Variants in SH3PXD2A observed in about 807,000 individuals in gnomAD.
The protein encoded by SH3PXD2A is SH3 and PX domain-containing protein 2A.
SH3PXD2A carries 32 observed loss-of-function variants against 115.2 expected under a neutral mutation model. The ratio of observed to expected loss-of-function variants is 0.28; its 90% CI spans 0.21 to 0.37. The LOEUF is 0.37. SH3PXD2A is among the 10% of genes least tolerant of loss of function. The pLI is 1.00. For synonymous variants in SH3PXD2A, 610 were observed against 629.1 expected (o/e 0.97, Z 0.45); for missense variants, 1,328 against 1,498.7 (o/e 0.89, Z 1.88).
intron 6 of SH3PXD2A, among the ~76,000 whole-genome samples, chr10:103,679,523 G>A (rs531508493): frequency 2.0e-5 from 3 of 152,166 alleles, no homozygotes; most frequent in African/African-American, 7.2e-5. Flanking sequence ...CAGAAGGAGC[G>A]AGCCAAGTCA....
chr10:103,596,922 G>T lies in SH3PXD2A; in HGVS notation c.*4894C>A, dbSNP rs888173570. The T allele has an allele frequency of 6.6e-5, 10 of 152,558 alleles. No homozygotes were observed. Among genetic ancestry groups the T allele is most frequent in the African/African-American group, 2.4e-4 (10 of 41,424 alleles). 9.5% of individuals were successfully genotyped at this position (152,558 alleles called of 1,614,324 possible). A position where few individuals can be genotyped will look rare whatever the true frequency, so the allele number is the denominator to read the frequency against. On this transcript the variant is annotated 3_prime_UTR_variant, in exon 15 of 15. Transcript: ENST00000369774. ...CAAGCATACAGTACTGGAGGTGGAG[G>T]GAACAAGCCACAGGGACGTCCCTGT...
At chr10:103,766,333 A>C (rs1194694567) in intron 3 of SH3PXD2A, among the ~76,000 whole-genome samples, 1 of 152,170 alleles carries the variant, frequency 6.6e-6, no homozygotes, top group African/African-American at 2.4e-5. Flanking sequence ...GGTTCTGGAG[A>C]GCCAAGAGAC....
At chr10:103,615,815 G>T (rs942999437) in intron 11 of SH3PXD2A, among the ~76,000 whole-genome samples, 3 of 152,092 alleles carry the variant, frequency 2.0e-5, no homozygotes, top group African/African-American at 7.2e-5. Flanking sequence ...TAGGCCACCA[G>T]CCTGCCAGAA....
chr10:103,661,140 G>A lies in SH3PXD2A; in HGVS notation c.473-26C>T, dbSNP rs775767232. On this transcript the variant is annotated intron_variant, in intron 7 of 14. Transcript: ENST00000369774. Reference sequence around the variant, plus strand: ...CTGGCGAGGGCAGAAAGCACGCGGTGAGCCAGCGGCCAGCCATGGCCCCGC... The same window carrying A: ...CTGGCGAGGGCAGAAAGCACGCGGTAAGCCAGCGGCCAGCCATGGCCCCGC... 5.6e-6 allele frequency: 9 copies of A among 1,608,488 alleles called. No individual in the cohort carries two copies. The African/African-American group carries it at 1.2e-4, about 22-fold the overall frequency.
At chr10:103,736,837 G>GC in intron 3 of SH3PXD2A, 1 of 1,236,070 alleles carries the variant, frequency 8.1e-7, no homozygotes, top group Non-Finnish European at 1.1e-6. Context: ...CCTGGAGAAG[G>GC]CATCTTCCAC....
At chr10:103,610,571 A>G (rs1412372575) in intron 13 of SH3PXD2A, among the ~76,000 whole-genome samples, 1 of 152,190 alleles carries the variant, frequency 6.6e-6, no homozygotes, top group Non-Finnish European at 1.5e-5. Flanking sequence ...CTACTCTTCC[A>G]TAGACTGGTG....
At chr10:103,771,769 A>G (rs7917271) in intron 2 of SH3PXD2A, among the ~76,000 whole-genome samples, 1 of 151,306 alleles carries the variant, frequency 6.6e-6, no homozygotes, top group Non-Finnish European at 1.5e-5. Context: ...ACACACACAC[A>G]CACACACACA....
chr10:103,617,584 G>A (rs769859135), intron 10 of SH3PXD2A, among the ~76,000 whole-genome samples: 12 of 152,192 alleles, frequency 7.9e-5, no homozygotes, highest in African/African-American at 1.4e-4. Context: ...GCAGGGAGTC[G>A]GCTCTCCCAG....
At chr10:103,854,043 C>A (rs1262619660) in intron 1 of SH3PXD2A, among the ~76,000 whole-genome samples, 3 of 152,172 alleles carry the variant, frequency 2.0e-5, no homozygotes, top group African/African-American at 7.2e-5. Context: ...CCCATATGAG[C>A]CCAGCCGCAT....
chr10:103,828,570 G>C (rs1244649779), intron 1 of SH3PXD2A, among the ~76,000 whole-genome samples: 1 of 152,166 alleles, frequency 6.6e-6, no homozygotes, highest in East Asian at 1.9e-4. Context: ...GTGGAAAGTG[G>C]GTGGGAGAAG....
At position 103,682,200 on chromosome 10, in the gene SH3PXD2A, C is replaced by T. The variant is rs900323667; in HGVS notation, c.427+10828G>A. Among the ~76,000 whole-genome samples the T allele has an allele frequency of 1.1e-4, 16 of 152,236 alleles. 1 individual carries two copies. The highest frequency in any genetic ancestry group is 3.6e-4 in the African/African-American group (15 of 41,462). Reference sequence around the variant, plus strand: ...TCCAGGATCCGGGGAGCGCTTGCCACGCCCCTGCCCCCTCCCCGCTCCGCC... The same window carrying T: ...TCCAGGATCCGGGGAGCGCTTGCCATGCCCCTGCCCCCTCCCCGCTCCGCC... On this transcript the variant is annotated intron_variant, in intron 6 of 14. Coordinates refer to ENST00000369774, the MANE Select transcript of SH3PXD2A (RefSeq NM_001394015.1).
chr10:103,632,556 C>T (rs1480718383), intron 8 of SH3PXD2A, among the ~76,000 whole-genome samples: 1 of 152,116 alleles, frequency 6.6e-6, no homozygotes, highest in East Asian at 1.9e-4. Context: ...TCGGGGTGGG[C>T]GCCTCTGCTC....
chr10:103,677,277 A>G (rs1458382481), intron 6 of SH3PXD2A, among the ~76,000 whole-genome samples: 1 of 152,218 alleles, frequency 6.6e-6, no homozygotes, highest in East Asian at 1.9e-4. Context: ...GTCTCAAAGC[A>G]TCAGACACAC....
rs924230858 is a variant in SH3PXD2A at position 103,784,962 on chromosome 10, C to G, written c.153+16320G>C. 2.0e-5 allele frequency among the ~76,000 whole-genome samples: 3 copies of G among 152,194 alleles called. No homozygotes were observed. The highest frequency in any genetic ancestry group is 7.2e-5 in the African/African-American group (3 of 41,446). ...GTCTGCAGGTCAGCTCGGGTTGCAT[C>G]TGTCTCCAGCCCCTCAGCCCCACTC... On this transcript the variant is annotated intron_variant, in intron 2 of 14. Coordinates refer to ENST00000369774, the MANE Select transcript of SH3PXD2A (RefSeq NM_001394015.1). The surrounding 1 kb of genome is among the most constrained non-coding windows in gnomAD (Gnocchi z 4.4).
At chr10:103,773,876 TTACA>T (rs2038854560) in intron 2 of SH3PXD2A, among the ~76,000 whole-genome samples, 1 of 152,154 alleles carries the variant, frequency 6.6e-6, no homozygotes, top group African/African-American at 2.4e-5. Context: ...GTAGCTGGGA[TTACA>T]GGTGTGCACC....
In SH3PXD2A at chr10:103,822,365, T is replaced by C. The variant is rs558277153; in HGVS notation, c.73-21003A>G. On this transcript the variant is annotated intron_variant, in intron 1 of 14. Coordinates refer to ENST00000369774, the MANE Select transcript of SH3PXD2A (RefSeq NM_001394015.1). ...AAAGACAGGGTGCTTCCTATGCAGA[T>C]GTAACCCCTAGCTGTCCAAGTTCCC... is the stretch of plus-strand genomic sequence containing the variant. 1.1e-4 allele frequency among the ~76,000 whole-genome samples: 17 copies of C among 152,386 alleles called. No individual in the cohort carries two copies. The South Asian group carries it at 3.3e-3, about 30-fold the overall frequency.
rs2036720272 is a variant in SH3PXD2A at position 103,627,777 on chromosome 10, T to C, written c.605-575A>G. Among the ~76,000 whole-genome samples, 1 of 152,246 alleles carries C rather than the reference T, an allele frequency of 6.6e-6. No homozygotes were observed. The highest frequency in any genetic ancestry group is 6.5e-5 in the Admixed American group (1 of 15,290). On this transcript the variant is annotated intron_variant, in intron 8 of 14. Coordinates refer to ENST00000369774, the MANE Select transcript of SH3PXD2A (RefSeq NM_001394015.1). The surrounding 1 kb of genome is among the most constrained non-coding windows in gnomAD (Gnocchi z 4.4). ...ATCCTCAGCTGATGCTTGACGATCA[T>C]GGCCACGTGATAAAGCCTCATTCAT...
intron 8 of SH3PXD2A, among the ~76,000 whole-genome samples, chr10:103,629,607 T>G (rs1231895661): frequency 1.3e-5 from 2 of 152,186 alleles, no homozygotes; most frequent in Non-Finnish European, 2.9e-5. Flanking sequence ...GACCTCTACT[T>G]GCACCTTGGC....
intron 1 of SH3PXD2A, among the ~76,000 whole-genome samples, chr10:103,822,002 C>T (rs1336793584): frequency 6.6e-6 from 1 of 152,006 alleles, no homozygotes; most frequent in Admixed American, 6.6e-5. Flanking sequence ...CTCCTGGGTT[C>T]AAGTAATTCT....
Sources: gnomAD v4.1 joint callset for allele counts (sites outside exome capture counted in the v4.1 genomes callset) on GRCh38, gnomAD v4.1.1 for gene constraint, Gnocchi (gnomAD v3.1) non-coding constraint, MANE v1.5 for transcripts, NCBI Gene and HGNC (gene_info 2026-07-23, HGNC 2026-07-21) for gene names.